TMCO5A: variants seen among roughly 807,000 people sequenced by gnomAD.
The protein encoded by TMCO5A is transmembrane and coiled-coil domains 5A.
A neutral mutation model predicts 42.3 loss-of-function variants in TMCO5A; 34 were observed. The ratio of observed to expected loss-of-function variants is 0.80; its 90% CI spans 0.61 to 1.07. The LOEUF (loss-of-function observed/expected upper bound fraction) is 1.07, where lower values mean the gene tolerates loss of function less well. Among genes scored for constraint, TMCO5A ranks in the 50% least tolerant of loss-of-function variants. The probability of loss-of-function intolerance (pLI) is 0.00; values close to 1 mark genes in which losing one functional copy is unlikely to be tolerated. For missense variants in TMCO5A, 357 were observed against 327.9 expected, an observed-to-expected ratio of 1.09 and a Z score of -0.69; for synonymous variants, 131 against 115.6, an observed-to-expected ratio of 1.13 and a Z score of -0.86.
the TMCO5A span, among the ~76,000 whole-genome samples, chr15:38,028,009 GACTAAT>G: frequency 3.3e-5 from 5 of 152,130 alleles, no homozygotes; most frequent in Non-Finnish European, 7.4e-5. Context: ...CATGAAAACA[GACTAAT>G]ACCCATGGTG....
At chr15:38,003,254 T>TCTCTCTCTCTCTCTCTCCC in the TMCO5A span, among the ~76,000 whole-genome samples, 3 of 150,796 alleles carry the variant, frequency 2.0e-5, no homozygotes, top group African/African-American at 7.4e-5. Context: ...CTCTGTCTCC[T>TCTCTCTCTCTCTCTCTCCC]CCCATCACTC....
downstream of TMCO5A, among the ~76,000 whole-genome samples, chr15:37,970,045 G>A (rs1191509257): frequency 6.6e-6 from 1 of 152,158 alleles, no homozygotes; most frequent in Non-Finnish European, 1.5e-5. Flanking sequence ...ACCCAATCAT[G>A]GGACTGCTGG....
chr15:37,972,204 CA>C (rs1566926941), downstream of TMCO5A, among the ~76,000 whole-genome samples: 45 of 152,290 alleles, frequency 3.0e-4, no homozygotes, highest in African/African-American at 1.1e-3. Flanking sequence ...TCGCAGCAGA[CA>C]AGAGAAGAGA....
At chr15:37,994,983 C>A in the TMCO5A span, among the ~76,000 whole-genome samples, 1 of 152,262 alleles carries the variant, frequency 6.6e-6, no homozygotes, top group East Asian at 1.9e-4. Flanking sequence ...CCAGTAAAAC[C>A]TTTTCCCTTG....
chr15:37,979,772 C>T, the TMCO5A span, among the ~76,000 whole-genome samples: 16 of 152,162 alleles, frequency 1.1e-4, no homozygotes, highest in Non-Finnish European at 2.1e-4. Context: ...GCAGGCCTGT[C>T]TGCCACCACT....
At chr15:38,034,827 C>T in the TMCO5A span, among the ~76,000 whole-genome samples, 1 of 152,134 alleles carries the variant, frequency 6.6e-6, no homozygotes, top group African/African-American at 2.4e-5. Context: ...TTTAAAGTGA[C>T]CCCATGTGGC....
the TMCO5A span, among the ~76,000 whole-genome samples, chr15:37,989,256 AG>A: frequency 2.0e-5 from 3 of 151,890 alleles, no homozygotes; most frequent in African/African-American, 7.2e-5. Flanking sequence ...TTGTTGATAA[AG>A]AATCAACTTT....
At chr15:38,018,706 T>G in the TMCO5A span, among the ~76,000 whole-genome samples, 3 of 151,618 alleles carry the variant, frequency 2.0e-5, no homozygotes, top group Non-Finnish European at 2.9e-5. Context: ...TAAAGAAAAT[T>G]TCCCTGATCT....
chr15:37,992,854 G>T, the TMCO5A span, among the ~76,000 whole-genome samples: 115 of 152,252 alleles, frequency 7.6e-4, no homozygotes, highest in African/African-American at 2.7e-3. Flanking sequence ...CCTGAGAGTA[G>T]AGGATGGGAA....
chr15:37,964,056 G>T (rs1347810854), intron 11 of TMCO5A, among the ~76,000 whole-genome samples: 1 of 152,032 alleles, frequency 6.6e-6, no homozygotes, highest in Non-Finnish European at 1.5e-5. Flanking sequence ...GTGTGATTTT[G>T]GGGGGTGTTA....
intron 5 of TMCO5A, 92 bp downstream of exon 5, chr15:37,937,488 C>T: frequency 1.4e-6 from 2 of 1,401,026 alleles, no homozygotes; most frequent in Non-Finnish European, 2.0e-6. Context: ...TAGAGGAACC[C>T]ATAAGTCAGA....
At chr15:37,952,882 G>T (rs770930615), downstream of TMCO5A, among the ~76,000 whole-genome samples, 58 of 152,196 alleles carry the variant, frequency 3.8e-4, no homozygotes, top group Non-Finnish European at 5.7e-4. Flanking sequence ...GCTAACTGAA[G>T]AGCCTTGGGG....
At chr15:38,004,296 T>G in the TMCO5A span, among the ~76,000 whole-genome samples, 1 of 151,866 alleles carries the variant, frequency 6.6e-6, no homozygotes, top group Non-Finnish European at 1.5e-5. Flanking sequence ...GACAAAGTCC[T>G]CTTTACTCTT....
chr15:37,964,929 G>A (rs768189411), intron 11 of TMCO5A, among the ~76,000 whole-genome samples: 78 of 152,136 alleles, frequency 5.1e-4, no homozygotes, highest in Non-Finnish European at 7.9e-4. Context: ...AATTTATAGG[G>A]AGCCACTGAA....
At chr15:38,012,126 A>AAAAAAAACAAG in the TMCO5A span, among the ~76,000 whole-genome samples, 2 of 150,390 alleles carry the variant, frequency 1.3e-5, no homozygotes, top group African/African-American at 4.9e-5. Context: ...TCCGTCTCAA[A>AAAAAAAACAAG]AAAAAAAGAA....
At chr15:37,976,415 G>T in the TMCO5A span, among the ~76,000 whole-genome samples, 1 of 152,058 alleles carries the variant, frequency 6.6e-6, no homozygotes, top group Admixed American at 6.5e-5. Context: ...GTATGTCACA[G>T]GGGTTCTCTG....
At chr15:38,019,265 G>A in the TMCO5A span, among the ~76,000 whole-genome samples, 1 of 152,074 alleles carries the variant, frequency 6.6e-6, no homozygotes. Flanking sequence ...TAAAATAGAA[G>A]TTAATAATAT....
chr15:37,959,070 A>C (rs1890360379), intron 11 of TMCO5A, among the ~76,000 whole-genome samples: 1 of 151,882 alleles, frequency 6.6e-6, no homozygotes, highest in African/African-American at 2.4e-5. Flanking sequence ...GTTGAACAAG[A>C]GAACACATGG....
At chr15:37,943,136 C>A in intron 9 of TMCO5A, 1 of 435,308 alleles carries the variant, frequency 2.3e-6, no homozygotes, top group Non-Finnish European at 4.0e-6. Flanking sequence ...AAACTAACTA[C>A]ATATGGCAAT....
Sources: allele counts gnomAD v4.1 joint callset (sites outside exome capture counted in the v4.1 genomes callset), GRCh38; gene constraint gnomAD v4.1.1; transcripts MANE v1.5; gene names NCBI Gene and HGNC (gene_info 2026-07-23, HGNC 2026-07-21).